NAV2: variants seen among roughly 807,000 people sequenced by gnomAD.
NAV2 encodes the protein neuron navigator 2.
Under a neutral mutation model 223.2 loss-of-function variants are expected in NAV2, and 54 were observed. That is an observed-to-expected ratio of 0.24 (90% CI 0.19 to 0.30). NAV2 has a LOEUF of 0.30. NAV2 is among the 10% of genes least tolerant of loss of function. NAV2 has a pLI of 1.00. For missense variants in NAV2, 2,806 were observed against 3,147.5 expected (o/e 0.89, Z 2.60); for synonymous variants, 1,279 against 1,239.3 (o/e 1.03, Z -0.67).
At chr11:19,379,586 A>G (rs2133917506) in intron 1 of NAV2, among the ~76,000 whole-genome samples, 1 of 152,280 alleles carries the variant, frequency 6.6e-6, no homozygotes, top group Admixed American at 6.5e-5. Context: ...CAGCCTCCTT[A>G]GATTACTGAC....
In NAV2 at chr11:19,620,041, G is replaced by T. The variant is rs990163423; in HGVS notation, c.76-212443G>T. 4.6e-5 allele frequency among the ~76,000 whole-genome samples: 7 copies of T among 152,158 alleles called. No individual in the cohort carries two copies. In the East Asian group the frequency reaches 7.7e-4, roughly 17 times the overall value. ...GATCCTTTCCCCATTTCTTGTTTTT[G>T]TCAGGTTTGTCAAAGATCAGATAGT... is the stretch of plus-strand genomic sequence containing the variant. On this transcript the variant is annotated intron_variant, in intron 1 of 37. Transcript: ENST00000360655.
rs753706594 is a variant in NAV2 at position 20,083,151 on chromosome 11, C to T, written c.5470C>T (p.Leu1824=). The change falls in exon 26 of 38, where the codon CTG becomes TTG. Residue 1824 remains leucine (L), a synonymous_variant. Coordinates refer to ENST00000349880, the MANE Select transcript of NAV2 (RefSeq NM_145117.5). The part of the protein sequence containing the change: ...PHNGSTGSTP[L]LRNSHSNSLI... ...CAATGGGTCCACAGGTTCCACCCCA[C>T]TGCTGAGGAATTCTCACTCCAACTC... 4.3e-6 allele frequency: 7 copies of T among 1,613,616 alleles called. No individual in the cohort carries two copies. The highest frequency in any genetic ancestry group is 3.3e-5 in the Admixed American group (2 of 59,982).
chr11:19,577,593 A>T (rs762689379), intron 1 of NAV2, among the ~76,000 whole-genome samples: 4 of 152,190 alleles, frequency 2.6e-5, no homozygotes, highest in African/African-American at 4.8e-5. Context: ...TCTCTCAACA[A>T]AATGTTTTCC....
chr11:19,523,874 G>C (rs746480626), intron 1 of NAV2, among the ~76,000 whole-genome samples: 2 of 152,192 alleles, frequency 1.3e-5, no homozygotes, highest in Non-Finnish European at 2.9e-5. Context: ...AGACACTGAA[G>C]TTCTCTCTTA....
intron 6 of NAV2, among the ~76,000 whole-genome samples, chr11:19,901,227 G>A (rs1252725987): frequency 6.6e-6 from 1 of 152,172 alleles, no homozygotes; most frequent in Non-Finnish European, 1.5e-5. Context: ...CCTAGTTTTA[G>A]CAGGACTTCT....
At chr11:19,607,260 C>A (rs78575433) in intron 1 of NAV2, among the ~76,000 whole-genome samples, 1 of 152,214 alleles carries the variant, frequency 6.6e-6, no homozygotes, top group South Asian at 2.1e-4. Context: ...TTTCTCAGAT[C>A]TTCCACTGTC....
chr11:19,933,817 A>C lies in NAV2; in HGVS notation c.1573A>C (p.Ser525Arg), dbSNP rs771799866. The C allele has an allele frequency of 6.2e-7, 1 of 1,613,546 alleles. No individual in the cohort carries two copies. The highest frequency in any genetic ancestry group is 8.5e-7 in the Non-Finnish European group (1 of 1,179,880). ...DLKEEPKEDP[S>R]GAAVPEMPKK... ...CAAGGAGGAGCCAAAAGAAGACCCC[A>C]GTGGAGCAGCTGTGCCCGAGATGCC... Residue 525 changes from serine (S) to arginine (R), a missense_variant, in exon 7 of 38, where the codon AGT (serine) becomes CGT (arginine). Physicochemically the swap from Ser to Arg is moderately radical, Grantham distance 110. Transcript: ENST00000349880. The surrounding 1 kb of genome is among the most constrained non-coding windows in gnomAD (Gnocchi z 4.3).
At chr11:19,541,556 A>T (rs943788841) in intron 1 of NAV2, among the ~76,000 whole-genome samples, 5 of 152,058 alleles carry the variant, frequency 3.3e-5, no homozygotes, top group African/African-American at 1.2e-4. Context: ...TGAGGCCAGG[A>T]CTCCTCCACT....
intron 12 of NAV2, among the ~76,000 whole-genome samples, chr11:20,043,689 G>A (rs991024629): frequency 3.3e-5 from 5 of 151,902 alleles, no homozygotes; most frequent in East Asian, 3.9e-4. Flanking sequence ...TGATCCTCCC[G>A]CCTCAGCCTC....
chr11:19,818,726 C>T (rs2059232690), intron 1 of NAV2, among the ~76,000 whole-genome samples: 4 of 152,210 alleles, frequency 2.6e-5, no homozygotes, highest in Non-Finnish European at 4.4e-5. Flanking sequence ...CATCCACCGT[C>T]GGGTGGGTCC....
chr11:19,782,734 G>A lies in NAV2; in HGVS notation c.268-49750G>A, dbSNP rs1397937637. Among the ~76,000 whole-genome samples the A allele has an allele frequency of 2.6e-5, 4 of 152,276 alleles. No individual in the cohort carries two copies. The East Asian group carries it at 5.8e-4, about 22-fold the overall frequency. On this transcript the variant is annotated intron_variant, in intron 1 of 37. Transcript: ENST00000349880. Reference sequence around the variant, plus strand: ...TTGATTCAGAGATTGTTACAGAAATGCTGTTTCTAATATAAGAGCAATAGC... The same window carrying A: ...TTGATTCAGAGATTGTTACAGAAATACTGTTTCTAATATAAGAGCAATAGC...
At chr11:19,587,096 C>G (rs1034776096) in intron 1 of NAV2, among the ~76,000 whole-genome samples, 3 of 152,204 alleles carry the variant, frequency 2.0e-5, no homozygotes, top group African/African-American at 4.8e-5. Context: ...CCTCCCCCAG[C>G]CTTGCTGCCG....
intron 4 of NAV2, among the ~76,000 whole-genome samples, chr11:19,875,014 G>T (rs1467692639): frequency 6.6e-6 from 1 of 152,110 alleles, no homozygotes; most frequent in African/African-American, 2.4e-5. Context: ...AAAATTAGCC[G>T]GGCGTGGTGG....
chr11:19,909,012 G>A (rs999036782), intron 6 of NAV2, among the ~76,000 whole-genome samples: 1 of 152,096 alleles, frequency 6.6e-6, no homozygotes, highest in Non-Finnish European at 1.5e-5. Context: ...TGAATTTATG[G>A]TATGTGAATT....
intron 6 of NAV2, among the ~76,000 whole-genome samples, chr11:19,915,698 C>G (rs534407928): frequency 6.6e-6 from 1 of 152,194 alleles, no homozygotes; most frequent in East Asian, 1.9e-4. Flanking sequence ...TCTGAGTTCT[C>G]CTGCACCCTA....
At chr11:19,949,369 G>C (rs894161208) in intron 10 of NAV2, among the ~76,000 whole-genome samples, 3 of 152,176 alleles carry the variant, frequency 2.0e-5, no homozygotes, top group Admixed American at 2.0e-4. Context: ...TGGACTACTT[G>C]CAGGTTAGAC....
At chr11:19,431,305 G>T (rs1220922521) in intron 1 of NAV2, among the ~76,000 whole-genome samples, 6 of 152,148 alleles carry the variant, frequency 3.9e-5, no homozygotes, top group Non-Finnish European at 8.8e-5. Flanking sequence ...CTAGTTCTTT[G>T]CTGCGTTTAA....
chr11:19,353,637 A>G (rs953758073), intron 1 of NAV2, among the ~76,000 whole-genome samples: 53 of 152,186 alleles, frequency 3.5e-4, no homozygotes, highest in Non-Finnish European at 5.1e-4. Context: ...CTTGGTAAAT[A>G]TTTAAGAAAT....
chr11:19,433,289 C>G (rs1590195445), intron 1 of NAV2, among the ~76,000 whole-genome samples: 1 of 152,218 alleles, frequency 6.6e-6, no homozygotes, highest in East Asian at 1.9e-4. Flanking sequence ...TGTGTTACTT[C>G]ATTAAGTGGT....
Sources: gnomAD v4.1 joint callset for allele counts (sites outside exome capture counted in the v4.1 genomes callset) on GRCh38, gnomAD v4.1.1 for gene constraint, Gnocchi (gnomAD v3.1) non-coding constraint, MANE v1.5 for transcripts, NCBI Gene and HGNC (gene_info 2026-07-23, HGNC 2026-07-21) for gene names.